DISP3: variants seen among roughly 807,000 people sequenced by gnomAD.
The protein encoded by DISP3 is protein dispatched homolog 3.
A neutral mutation model predicts 135.3 loss-of-function variants in DISP3; 101 were observed. That is an observed-to-expected ratio of 0.75 (90% CI 0.64 to 0.88). The LOEUF is 0.88. DISP3 is among the 40% of genes least tolerant of loss of function. The probability of loss-of-function intolerance (pLI) is 0.00; values close to 1 mark genes in which losing one functional copy is unlikely to be tolerated. For synonymous variants in DISP3, 856 were observed against 817.0 expected (o/e 1.05, Z -0.81); for missense variants, 1,713 against 1,878.6 (o/e 0.91, Z 1.63).
chr1:11,535,605 C>A lies in DISP3; in HGVS notation c.3777C>A (p.Tyr1259Ter). 2 of 1,613,268 alleles carry A rather than the reference C, an allele frequency of 1.2e-6. No individual in the cohort carries two copies. The highest frequency in any genetic ancestry group is 1.7e-6 in the Non-Finnish European group (2 of 1,179,864). ...VDYCVHLVEG[Y>*]LLAGENLPPH... ...ACTGCGTCCACCTGGTCGAGGGCTACCTGCTGGCTGGAGAGAACCTGCCCC... is the reference window on the plus strand; with the variant it reads ...ACTGCGTCCACCTGGTCGAGGGCTAACTGCTGGCTGGAGAGAACCTGCCCC... Residue 1259 changes from tyrosine to a stop codon, truncating the protein, a stop_gained, in exon 20 of 21, where the codon TAC becomes TAA. Transcript: ENST00000294484. LOFTEE classifies it high-confidence loss of function.
Position 11,501,551 on chromosome 1 carries a change from C to T in DISP3, c.559C>T (p.Arg187Trp), listed in dbSNP as rs766378419. ...CTCACTCGGTGGCCCAGGCCCTTAC[C>T]GGGACACTTCCGCGGCTCAAAAGCC... Reference protein sequence around the residue: ...AASLGGPGPYRDTSAAQKPTA... With the variant: ...AASLGGPGPYWDTSAAQKPTA... Residue 187 changes from arginine (R) to tryptophan (W), a missense_variant, in exon 2 of 21, where the codon CGG (arginine) becomes TGG (tryptophan). By Grantham distance (101) the Arg-to-Trp change is moderately radical. This residue lies in a region of DISP3 where 571 missense variants were observed against 494.1 expected (regional missense o/e 1.16). Coordinates refer to ENST00000294484, the MANE Select transcript of DISP3 (RefSeq NM_020780.2). The surrounding 1 kb of genome is among the most constrained non-coding windows in gnomAD (Gnocchi z 4.9). The T allele has an allele frequency of 6.3e-7, 1 of 1,589,284 alleles. No homozygotes were observed. The highest frequency in any genetic ancestry group is 1.1e-5 in the South Asian group (1 of 88,496).
chr1:11,479,902 G>C (rs1210770420), intron 1 of DISP3, among the ~76,000 whole-genome samples: 2 of 152,216 alleles, frequency 1.3e-5, no homozygotes, highest in Non-Finnish European at 2.9e-5. Flanking sequence ...AGGTCCGGCC[G>C]GGGAGGGCGC....
chr1:11,481,474 T>G (rs1191254305), intron 1 of DISP3: 1 of 152,214 alleles, frequency 6.6e-6, no homozygotes, highest in Non-Finnish European at 1.5e-5. Flanking sequence ...TGGCTTGCCC[T>G]TTGACACCTC....
Position 11,520,645 on chromosome 1 carries a change from G to A in DISP3, c.2201-42G>A. 6 of 1,596,072 alleles carry A rather than the reference G, an allele frequency of 3.8e-6. No individual in the cohort carries two copies. The highest frequency in any genetic ancestry group is 4.3e-6 in the Non-Finnish European group (5 of 1,168,824). On this transcript the variant is annotated intron_variant, in intron 9 of 20. Coordinates refer to ENST00000294484, the MANE Select transcript of DISP3 (RefSeq NM_020780.2). The surrounding 1 kb of genome is among the most constrained non-coding windows in gnomAD (Gnocchi z 4.8). ...TTGGAGCCCCACTGGGAACAGACCA[G>A]CTGGGCCCAGCCCCGCCTGGTGTAG...
At chr1:11,514,739 A>G (rs1641955039) in intron 4 of DISP3, among the ~76,000 whole-genome samples, 2 of 152,176 alleles carry the variant, frequency 1.3e-5, no homozygotes, top group Middle Eastern at 3.2e-3. Context: ...CACACCCTCT[A>G]CCCTGGGCCC....
In DISP3 at chr1:11,501,281, C is replaced by T. The variant is rs2100406294; in HGVS notation, c.289C>T (p.Pro97Ser). The T allele has an allele frequency of 3.7e-6, 6 of 1,614,160 alleles. No homozygotes were observed. Among genetic ancestry groups the T allele is most frequent in the Non-Finnish European group, 5.1e-6 (6 of 1,180,028 alleles). ...ALSAFMFLYYPPLDIDISYNA... is the reference protein window; with the variant it reads ...ALSAFMFLYYSPLDIDISYNA... The stretch of plus-strand genomic sequence containing the variant: ...GTCAGCCTTCATGTTCCTTTACTAC[C>T]CACCGCTGGACATTGACATCTCCTA... Residue 97 changes from proline (P) to serine (S), a missense_variant, in exon 2 of 21, where the codon CCA (proline) becomes TCA (serine). Physicochemically the swap from Pro to Ser is moderately conservative, Grantham distance 74. Coordinates refer to ENST00000294484, the MANE Select transcript of DISP3 (RefSeq NM_020780.2). This position sits in a 1 kb window ranked among gnomAD's most constrained non-coding sequence, Gnocchi z 4.9.
rs989337495 is a variant in DISP3, at chr1:11,499,940, T to C, written c.-3-1050T>C. ...CTCCTCTTACCGCCTAGCATCTAAC[T>C]GGATAATGAGTCTCTCTCTGTCCAG... is the stretch of plus-strand genomic sequence containing the variant. On this transcript the variant is annotated intron_variant, in intron 1 of 20. Transcript: ENST00000294484. This position sits in a 1 kb window ranked among gnomAD's most constrained non-coding sequence, Gnocchi z 5.2. 2.6e-4 allele frequency among the ~76,000 whole-genome samples: 40 copies of C among 152,264 alleles called. No individual in the cohort carries two copies. Among genetic ancestry groups the C allele is most frequent in the Admixed American group, 2.3e-3 (35 of 15,292 alleles).
intron 17 of DISP3, chr1:11,533,544 A>G (rs771068049): frequency 5.6e-5 from 29 of 520,554 alleles, no homozygotes; most frequent in Non-Finnish European, 8.6e-5. Context: ...GGCGTGAGCC[A>G]CTGCGCCCAG....
intron 17 of DISP3, among the ~76,000 whole-genome samples, chr1:11,532,165 G>T (rs1642592285): frequency 6.6e-6 from 1 of 152,160 alleles, no homozygotes; most frequent in Non-Finnish European, 1.5e-5. Flanking sequence ...GCTGGGCTCT[G>T]CCCAAGGAGG....
chr1:11,479,861 G>C (rs1190598764), intron 1 of DISP3, among the ~76,000 whole-genome samples: 1 of 152,164 alleles, frequency 6.6e-6, no homozygotes, highest in Non-Finnish European at 1.5e-5. Flanking sequence ...TCGTGCTCTC[G>C]GAGGGACATT....
At chr1:11,502,376 G>A (rs1295638024) in intron 2 of DISP3, among the ~76,000 whole-genome samples, 1 of 152,214 alleles carries the variant, frequency 6.6e-6, no homozygotes, top group South Asian at 2.1e-4. Flanking sequence ...GTGTGAGGCT[G>A]GTTAAGAAAA....
rs192330706 is a variant in DISP3 at position 11,535,462 on chromosome 1, T to A, written c.3650-16T>A. On this transcript the variant is annotated splice_polypyrimidine_tract_variant and intron_variant, in intron 19 of 20. Transcript: ENST00000294484. ...GGCGGGGGATCCGAGCTGCCCCCCC[T>A]GCTGTCTCCTTGCAGGCATCGTGTG... The A allele has an allele frequency of 6.3e-7, 1 of 1,594,304 alleles. No individual in the cohort carries two copies. The highest frequency in any genetic ancestry group is 8.6e-7 in the Non-Finnish European group (1 of 1,167,742).
chr1:11,496,980 T>C (rs890158814), intron 1 of DISP3, among the ~76,000 whole-genome samples: 2 of 152,232 alleles, frequency 1.3e-5, no homozygotes, highest in East Asian at 3.8e-4. Context: ...TGTGATGCCC[T>C]TGTGGCACTT....
At chr1:11,513,526 G>T (rs533109395) in intron 3 of DISP3, among the ~76,000 whole-genome samples, 2 of 149,874 alleles carry the variant, frequency 1.3e-5, no homozygotes, top group South Asian at 4.3e-4. Context: ...TTGTTCCTAT[G>T]TGTCTTTTTC....
At chr1:11,486,809 T>C (rs1471351127) in intron 1 of DISP3, among the ~76,000 whole-genome samples, 1 of 152,048 alleles carries the variant, frequency 6.6e-6, no homozygotes, top group Non-Finnish European at 1.5e-5. Context: ...TCCTGAGTAA[T>C]TGGGACTACG....
chr1:11,516,197 C>T lies in DISP3; in HGVS notation c.1749+36C>T. On this transcript the variant is annotated intron_variant, in intron 6 of 20. Coordinates refer to ENST00000294484, the MANE Select transcript of DISP3 (RefSeq NM_020780.2). This position sits in a 1 kb window ranked among gnomAD's most constrained non-coding sequence, Gnocchi z 5.1. ...GTCCTCCATTCCTGTCCTGGCCTCC[C>T]ACACGCTCATGCATACCTAGCCGCT... 3 of 1,603,484 alleles carry T rather than the reference C, an allele frequency of 1.9e-6. No individual in the cohort carries two copies. In the South Asian group the frequency reaches 3.4e-5, roughly 18 times the overall value.
chr1:11,527,243 T>A (rs1642446766), intron 13 of DISP3, among the ~76,000 whole-genome samples: 1 of 151,782 alleles, frequency 6.6e-6, no homozygotes, highest in South Asian at 2.1e-4. Flanking sequence ...CCCTGAGGGA[T>A]GCCAGCAGAC....
intron 10 of DISP3, among the ~76,000 whole-genome samples, chr1:11,522,893 ACCCAGCCAGAG>A (rs1642279427): frequency 7.5e-5 from 3 of 40,160 alleles, no homozygotes; most frequent in Middle Eastern, 0.026. Flanking sequence ...CCCAGCCAGG[ACCCAGCCAGAG>A]CCCAGCCAGG....
rs1311858743 is a variant in DISP3 at position 11,519,395 on chromosome 1, C to T, written c.1930C>T (p.Pro644Ser). ...CAGCCGGAAGACCTCCCTGCACTTC[C>T]CCGGAGACGTGTTTGCCGCTCCCGA... The part of the protein sequence containing the change: ...NCSRKTSLHF[P>S]GDVFAAPEQV... Residue 644 changes from proline (P) to serine (S), a missense_variant, in exon 8 of 21, where the codon CCC becomes TCC. Pro to Ser is a moderately conservative substitution (Grantham distance 74). Around this residue, in one of 2 missense-constraint regions of DISP3, gnomAD observed 1,142 missense variants for 1,384.6 expected, o/e 0.82. Transcript: ENST00000294484. This position sits in a 1 kb window ranked among gnomAD's most constrained non-coding sequence, Gnocchi z 4.3. The T allele has an allele frequency of 1.9e-6, 3 of 1,613,774 alleles. No homozygotes were observed. The African/African-American group carries it at 4.0e-5, about 22-fold the overall frequency.
Sources: gnomAD v4.1 joint callset for allele counts (sites outside exome capture counted in the v4.1 genomes callset) on GRCh38, gnomAD v4.1.1 for gene constraint, gnomAD v4.1.1 regional missense constraint, Gnocchi (gnomAD v3.1) non-coding constraint, MANE v1.5 for transcripts, NCBI Gene and HGNC (gene_info 2026-07-23, HGNC 2026-07-21) for gene names.